CACNA2D4: variants seen among roughly 807,000 people sequenced by gnomAD.
CACNA2D4 encodes voltage-dependent calcium channel subunit alpha-2/delta-4.
Under a neutral mutation model 163.8 loss-of-function variants are expected in CACNA2D4, and 157 were observed. The observed-to-expected ratio is 0.96, with a 90% CI of 0.84 to 1.09. The LOEUF (loss-of-function observed/expected upper bound fraction) is 1.09. CACNA2D4 is among the 50% of genes least tolerant of loss of function. The pLI, the probability that CACNA2D4 is intolerant of heterozygous loss-of-function variation, is 0.00. For synonymous variants in CACNA2D4, 598 were observed against 586.9 expected, an observed-to-expected ratio of 1.02 and a Z score of -0.27; for missense variants, 1,410 against 1,479.9, an observed-to-expected ratio of 0.95 and a Z score of 0.78.
At chr12:1,913,213 C>T (rs1866878772) in intron 2 of CACNA2D4, 74 bp from the exon 3 acceptor site, 3 of 959,856 alleles carry the variant, frequency 3.1e-6, no homozygotes, top group Non-Finnish European at 5.0e-6. Context: ...TATGCATGGC[C>T]TCCAACCTCT....
intron 18 of CACNA2D4, among the ~76,000 whole-genome samples, chr12:1,872,674 G>A (rs942398895): frequency 6.6e-6 from 1 of 152,172 alleles, no homozygotes; most frequent in African/African-American, 2.4e-5. Context: ...CTTTGGGGAT[G>A]AGTGGCAGCC....
chr12:1,854,296 G>C (rs1865352959), intron 22 of CACNA2D4, among the ~76,000 whole-genome samples: 1 of 152,132 alleles, frequency 6.6e-6, no homozygotes, highest in African/African-American at 2.4e-5. Flanking sequence ...GAACTTAGGA[G>C]ACCCTCAGTG....
chr12:1,838,051 C>T (rs144099046), intron 26 of CACNA2D4, among the ~76,000 whole-genome samples: 10 of 152,268 alleles, frequency 6.6e-5, no homozygotes, highest in Admixed American at 2.0e-4. Flanking sequence ...ATCACTTGCC[C>T]GTTACAGCCC....
intron 6 of CACNA2D4, among the ~76,000 whole-genome samples, chr12:1,905,260 A>G (rs1034522966): frequency 1.3e-5 from 2 of 152,152 alleles, no homozygotes; most frequent in Admixed American, 1.3e-4. Context: ...ATCATACTCT[A>G]TGGTGAAAGA....
At position 1,856,089 on chromosome 12, in the gene CACNA2D4, A is replaced by G; in HGVS notation, c.2075T>C (p.Ile692Thr). 1.9e-6 allele frequency: 3 copies of G among 1,613,842 alleles called. No individual in the cohort carries two copies. The highest frequency in any genetic ancestry group is 2.5e-6 in the Non-Finnish European group (3 of 1,179,876). The change falls in exon 22 of 38, where the codon ATT becomes ACT. Residue 692 changes from isoleucine (I) to threonine (T), a missense_variant. Ile to Thr is a moderately conservative substitution (Grantham distance 89, BLOSUM62 -1). Coordinates refer to ENST00000382722, the MANE Select transcript of CACNA2D4 (RefSeq NM_172364.5). ...GCTGAGCTTCCGGTGGTCTGGGTCA[A>G]TATCTGTGATGCAGTAGATCCTGAA... ...AGDWIYCITD[I>T]DPDHRKLSQL...
At chr12:1,904,252 G>A (rs1592746966) in intron 6 of CACNA2D4, among the ~76,000 whole-genome samples, 1 of 151,932 alleles carries the variant, frequency 6.6e-6, no homozygotes, top group East Asian at 1.9e-4. Flanking sequence ...GGAGAAGTGG[G>A]ATGGTTAATG....
intron 26 of CACNA2D4, among the ~76,000 whole-genome samples, chr12:1,826,016 C>T (rs1293994499): frequency 6.6e-6 from 1 of 152,072 alleles, no homozygotes; most frequent in African/African-American, 2.4e-5. Context: ...CTGCGAGGGC[C>T]GTAGGTGTGG....
intron 6 of CACNA2D4, among the ~76,000 whole-genome samples, chr12:1,907,088 C>T (rs552555745): frequency 6.6e-5 from 10 of 152,316 alleles, no homozygotes; most frequent in Non-Finnish European, 1.0e-4. Context: ...TTGGCGAGTG[C>T]GCCTCATTTT....
At chr12:1,918,188 G>T in intron 1 of CACNA2D4, 59 bp downstream of exon 1, 1 of 1,321,340 alleles carries the variant, frequency 7.6e-7, no homozygotes, top group Non-Finnish European at 1.1e-6. Context: ...GGCCCAGCCC[G>T]GGAAGAAAGT....
In CACNA2D4 at chr12:1,834,751, G is replaced by A. The variant is rs1370549442; in HGVS notation, c.2551+5988C>T. 2 of 1,557,088 alleles carry A rather than the reference G, an allele frequency of 1.3e-6. No individual in the cohort carries two copies. Among genetic ancestry groups the A allele is most frequent in the Non-Finnish European group, 1.7e-6 (2 of 1,154,146 alleles). ...CCATCCCCACCCGGCCAGGTAGGAA[G>A]GGCGGGGAGAGCACACGGCATTGCT... On this transcript the variant is annotated intron_variant, in intron 26 of 37. Coordinates refer to ENST00000382722, the MANE Select transcript of CACNA2D4 (RefSeq NM_172364.5). This position sits in a 1 kb window ranked among gnomAD's most constrained non-coding sequence, Gnocchi z 7.6.
intron 13 of CACNA2D4, 140 bp downstream of exon 13, chr12:1,882,727 G>T (rs555626178): frequency 1.2e-6 from 1 of 808,566 alleles, no homozygotes; most frequent in South Asian, 1.8e-5. Flanking sequence ...ATGGAAAAGC[G>T]GCTTCATTCG....
intron 26 of CACNA2D4, among the ~76,000 whole-genome samples, chr12:1,818,175 C>T (rs28663974): frequency 0.038 from 5,586 of 146,930 alleles, 250 homozygotes; most frequent in African/African-American, 0.086. Context: ...GCCCGGCAGC[C>T]GCCCCGTCTG....
rs1862998825 is a variant in CACNA2D4, at chr12:1,792,298, T to C, written c.*1357A>G. ...ACAGGGTTGTTGCAAGACATGACGGTAAGAGTGACATTCTGTAACCGATAA... is the reference window on the plus strand; with the variant it reads ...ACAGGGTTGTTGCAAGACATGACGGCAAGAGTGACATTCTGTAACCGATAA... On this transcript the variant is annotated 3_prime_UTR_variant, in exon 38 of 38. Transcript: ENST00000382722. The C allele has an allele frequency of 6.6e-6, 1 of 152,216 alleles. No individual in the cohort carries two copies. The highest frequency in any genetic ancestry group is 2.1e-4 in the South Asian group (1 of 4,834). The allele number at this position is 152,216 out of a possible 1,614,324, so 9.4% of individuals were successfully genotyped here.
At chr12:1,838,720 G>T (rs1314852403) in intron 26 of CACNA2D4, among the ~76,000 whole-genome samples, 2 of 152,216 alleles carry the variant, frequency 1.3e-5, no homozygotes, top group Non-Finnish European at 2.9e-5. Flanking sequence ...GTGCAGGAAA[G>T]CACAGCCAGC....
Position 1,810,568 on chromosome 12 carries a change from G to A in CACNA2D4, c.2633C>T (p.Pro878Leu), listed in dbSNP as rs774244840. The change falls in exon 28 of 38, where the codon CCG becomes CTG. Residue 878 changes from proline (P) to leucine (L), a missense_variant. By Grantham distance (98) the Pro-to-Leu change is moderately conservative. Transcript: ENST00000382722. Reference sequence around the variant, plus strand: ...ACTGTCCTCGCAGCTCTGTGTGCACGGCCCATCCACAGTGCTGCACTGGAA... The same window carrying A: ...ACTGTCCTCGCAGCTCTGTGTGCACAGCCCATCCACAGTGCTGCACTGGAA... ...ATRQCSTVDG[P>L]CTQSCEDSDL... 19 of 1,553,640 alleles carry A rather than the reference G, an allele frequency of 1.2e-5. No homozygotes were observed. Among genetic ancestry groups the A allele is most frequent in the Middle Eastern group, 1.7e-4 (1 of 5,986 alleles).
In CACNA2D4 at chr12:1,895,246, G is replaced by T. The variant is rs1027556782; in HGVS notation, c.782-8177C>A. On this transcript the variant is annotated intron_variant, in intron 6 of 37. Coordinates refer to ENST00000382722, the MANE Select transcript of CACNA2D4 (RefSeq NM_172364.5). ...AAATTGAAGAGGATACAAATGAAAA[G>T]ATTTTATGTTTATGGACTGGGATAA... is the stretch of plus-strand genomic sequence containing the variant. Among the ~76,000 whole-genome samples the T allele has an allele frequency of 3.3e-5, 5 of 152,184 alleles. No homozygotes were observed. In the South Asian group the frequency reaches 6.2e-4, roughly 19 times the overall value.
At chr12:1,879,704 G>C in intron 14 of CACNA2D4, 100 bp downstream of exon 14, 1 of 951,088 alleles carries the variant, frequency 1.1e-6, no homozygotes, top group East Asian at 2.7e-5. Flanking sequence ...TCCCAAGGTG[G>C]CTCAGAGGCA....
chr12:1,854,092 C>T (rs1347472625), intron 22 of CACNA2D4, 48 bp from the exon 23 acceptor site: 1 of 1,385,502 alleles, frequency 7.2e-7, no homozygotes, highest in African/African-American at 1.4e-5. Context: ...CCTCCATGCT[C>T]ATGAACACAA....
chr12:1,915,246 G>T, intron 1 of CACNA2D4: 1 of 702,568 alleles, frequency 1.4e-6, no homozygotes, highest in Non-Finnish European at 2.6e-6. Flanking sequence ...CAGGAGACGC[G>T]GAGAACCCTC....
Sources: gnomAD v4.1 joint callset for allele counts (sites outside exome capture counted in the v4.1 genomes callset) on GRCh38, gnomAD v4.1.1 for gene constraint, Gnocchi (gnomAD v3.1) non-coding constraint, MANE v1.5 for transcripts, NCBI Gene and HGNC (gene_info 2026-07-23, HGNC 2026-07-21) for gene names.